VPS13B: variants seen among roughly 807,000 people sequenced by gnomAD.
The protein encoded by VPS13B is vacuolar protein sorting 13 homolog B.
In VPS13B, 285 loss-of-function variants were observed where a neutral mutation model predicts 426.4. That is an observed-to-expected ratio of 0.67 (90% CI 0.61 to 0.74). VPS13B has a LOEUF of 0.74. Ranked by LOEUF, VPS13B falls within the 30% of genes least tolerant of loss-of-function variation. The pLI is 0.00. For missense variants in VPS13B, 4,537 were observed against 4,782.6 expected (o/e 0.95, Z 1.51); for synonymous variants, 1,676 against 1,676.4 (o/e 1.00, Z 0.01).
At chr8:99,024,109 T>C (rs1348243705) in intron 2 of VPS13B, among the ~76,000 whole-genome samples, 3 of 152,260 alleles carry the variant, frequency 2.0e-5, no homozygotes, top group African/African-American at 7.2e-5. Context: ...TTCTAACTGA[T>C]ATGATACCTT....
At chr8:99,406,382 G>C (rs141961398) in intron 21 of VPS13B, among the ~76,000 whole-genome samples, 3 of 151,860 alleles carry the variant, frequency 2.0e-5, no homozygotes, top group Admixed American at 6.6e-5. Flanking sequence ...TTTGTTTCTC[G>C]TTATTTTTAT....
At chr8:99,835,148 T>G in intron 52 of VPS13B, 49 bp from the exon 53 acceptor site, 1 of 1,612,670 alleles carries the variant, frequency 6.2e-7, no homozygotes. Context: ...GAGAGAGCAT[T>G]CATTTTTTTT....
At chr8:99,517,272 A>C (rs1822132587) in intron 29 of VPS13B, among the ~76,000 whole-genome samples, 1 of 152,220 alleles carries the variant, frequency 6.6e-6, no homozygotes, top group African/African-American at 2.4e-5. Flanking sequence ...TTCTTATATT[A>C]TCTGACAGTT....
chr8:99,686,809 G>A (rs924590521), intron 35 of VPS13B, among the ~76,000 whole-genome samples: 2 of 151,998 alleles, frequency 1.3e-5, no homozygotes, highest in Admixed American at 1.3e-4. Flanking sequence ...AAGAACCAAG[G>A]CCTGGAATTG....
chr8:99,343,412 T>C (rs1019366655), intron 19 of VPS13B, among the ~76,000 whole-genome samples: 2 of 152,138 alleles, frequency 1.3e-5, no homozygotes, highest in African/African-American at 2.4e-5. Flanking sequence ...TTCAGTTAGG[T>C]TGTTTTCTTG....
chr8:99,418,357 G>C (rs1335864623), intron 21 of VPS13B, among the ~76,000 whole-genome samples: 3 of 149,408 alleles, frequency 2.0e-5, no homozygotes, highest in Admixed American at 1.3e-4. Context: ...TCTAATAAAA[G>C]TATTTTAAAA....
intron 31 of VPS13B, among the ~76,000 whole-genome samples, chr8:99,564,376 A>C (rs1825086949): frequency 6.6e-6 from 1 of 152,186 alleles, no homozygotes; most frequent in Non-Finnish European, 1.5e-5. Flanking sequence ...GACCTGGTTA[A>C]AAACTTTGGA....
intron 31 of VPS13B, among the ~76,000 whole-genome samples, chr8:99,563,165 A>C (rs1010627363): frequency 6.6e-6 from 1 of 152,222 alleles, no homozygotes; most frequent in East Asian, 1.9e-4. Flanking sequence ...CCCTGTCTCA[A>C]ATAAATAAAT....
intron 3 of VPS13B, among the ~76,000 whole-genome samples, chr8:99,064,065 A>C (rs904032002): frequency 2.6e-5 from 4 of 152,200 alleles, no homozygotes; most frequent in Non-Finnish European, 5.9e-5. Context: ...CATCAACATC[A>C]ACAAAAAGGA....
chr8:99,580,915 C>T (rs1243536129), intron 33 of VPS13B, among the ~76,000 whole-genome samples: 3 of 149,964 alleles, frequency 2.0e-5, no homozygotes, highest in Admixed American at 1.3e-4. Context: ...GGCCAAGGTG[C>T]GGGCAGATCA....
chr8:99,513,936 A>C (rs1160426545), intron 29 of VPS13B, among the ~76,000 whole-genome samples: 2 of 152,192 alleles, frequency 1.3e-5, no homozygotes, highest in African/African-American at 4.8e-5. Context: ...CTGTATTCAA[A>C]ATTTGCTCAT....
At chr8:99,540,939 G>C (rs1176977382) in intron 30 of VPS13B, among the ~76,000 whole-genome samples, 1 of 151,938 alleles carries the variant, frequency 6.6e-6, no homozygotes, top group Admixed American at 6.6e-5. Context: ...ATAGAGTCAT[G>C]GTATAGAAGC....
intron 32 of VPS13B, among the ~76,000 whole-genome samples, chr8:99,577,012 C>T (rs556692741): frequency 2.6e-5 from 4 of 152,208 alleles, no homozygotes; most frequent in African/African-American, 9.6e-5. Flanking sequence ...GTCTGCCCAA[C>T]TAGATTATAA....
At chr8:99,773,310 G>A (rs1001081221) in intron 40 of VPS13B, among the ~76,000 whole-genome samples, 8 of 152,078 alleles carry the variant, frequency 5.3e-5, no homozygotes, top group South Asian at 2.1e-4. Context: ...CAATCATGGC[G>A]GAAGGCAAGG....
At chr8:99,047,936 C>T (rs1397075485) in intron 3 of VPS13B, among the ~76,000 whole-genome samples, 4 of 152,294 alleles carry the variant, frequency 2.6e-5, no homozygotes, top group African/African-American at 9.6e-5. Context: ...TATCCACCCA[C>T]CTTGGCATCC....
intron 33 of VPS13B, among the ~76,000 whole-genome samples, chr8:99,610,421 G>T (rs569371748): frequency 1.3e-5 from 2 of 152,290 alleles, no homozygotes; most frequent in African/African-American, 4.8e-5. Flanking sequence ...TAAAAAATGA[G>T]TTCATGTCCT....
At chr8:99,550,892 A>G (rs1317879981) in intron 30 of VPS13B, among the ~76,000 whole-genome samples, 1 of 152,080 alleles carries the variant, frequency 6.6e-6, no homozygotes, top group African/African-American at 2.4e-5. Flanking sequence ...TTGTGCTCAG[A>G]GGATACAGTC....
At chr8:99,408,903 CTG>C (rs1815472942) in intron 21 of VPS13B, among the ~76,000 whole-genome samples, 1 of 152,136 alleles carries the variant, frequency 6.6e-6, no homozygotes, top group Non-Finnish European at 1.5e-5. Flanking sequence ...GAAGTGAAGA[CTG>C]TGTTTTAAGG....
intron 34 of VPS13B, among the ~76,000 whole-genome samples, chr8:99,647,711 A>C (rs969680475): frequency 6.6e-6 from 1 of 152,190 alleles, no homozygotes; most frequent in East Asian, 1.9e-4. Flanking sequence ...AGAATATCAC[A>C]AAAAAATTCA....
Sources: allele counts gnomAD v4.1 joint callset (sites outside exome capture counted in the v4.1 genomes callset), GRCh38; gene constraint gnomAD v4.1.1; transcripts MANE v1.5; gene names NCBI Gene and HGNC (gene_info 2026-07-23, HGNC 2026-07-21).